The following RMDN2 variants were observed in gnomAD, a reference collection of about 807,000 sequenced individuals.
RMDN2 encodes regulator of microtubule dynamics protein 2.
In RMDN2, 61 loss-of-function variants were observed where a neutral mutation model predicts 52.8. The ratio of observed to expected loss-of-function variants is 1.16; its 90% CI spans 0.94 to 1.43. RMDN2 has a LOEUF of 1.43. Among genes scored for constraint, RMDN2 ranks in the 40% most tolerant of loss-of-function variants. The pLI, the probability that RMDN2 is intolerant of heterozygous loss-of-function variation, is 0.00. For synonymous variants in RMDN2, 180 were observed against 153.1 expected (o/e 1.18, Z -1.30); for missense variants, 592 against 475.3 (o/e 1.25, Z -2.28).
chr2:37,951,941 T>C (rs1668871799), intron 2 of RMDN2: 1 of 1,613,312 alleles, frequency 6.2e-7, no homozygotes, highest in Non-Finnish European at 8.5e-7. Context: ...GCCAATTATG[T>C]AAAGATTTAA....
rs141105802 is a variant in RMDN2 at position 38,024,415 on chromosome 2, G to A, written c.1713+20199G>A. 2.8e-4 allele frequency among the ~76,000 whole-genome samples: 43 copies of A among 152,138 alleles called. 1 individual carries two copies. Among genetic ancestry groups the A allele is most frequent in the African/African-American group, 7.9e-4 (33 of 41,522 alleles). On this transcript the variant is annotated intron_variant, in intron 10 of 10. Transcript: ENST00000234195. ...CTCACCAACAGCGTCTGAGAGTTCC[G>A]CTTGCTTTACTTTCTTGACAACACT...
chr2:37,929,321 T>C lies in RMDN2; in HGVS notation c.44T>C (p.Val15Ala), dbSNP rs1229656720. ...TNKELILGIM[V>A]GTAGISLLLL... ...AAAGAGTTGATACTTGGCATCATGG[T>C]GGGCACTGCTGGAATCAGCTTGCTG... The change falls in exon 2 of 11, where the codon GTG becomes GCG. Residue 15 changes from valine to alanine, a missense_variant. Physicochemically the swap from Val to Ala is moderately conservative, Grantham distance 64 (BLOSUM62 0). Coordinates refer to ENST00000354545, the MANE Select transcript of RMDN2 (RefSeq NM_001170791.3). 1.3e-6 allele frequency: 2 copies of C among 1,550,494 alleles called. No individual in the cohort carries two copies. Among genetic ancestry groups the C allele is most frequent in the South Asian group, 1.2e-5 (1 of 83,588 alleles).
chr2:37,995,366 C>CTACTACT (rs1553372281), intron 7 of RMDN2, among the ~76,000 whole-genome samples: 97 of 141,752 alleles, frequency 6.8e-4, no homozygotes, highest in Admixed American at 2.9e-4. Context: ...ACTACTACTA[C>CTACTACT]ACACACACAC....
chr2:37,947,750 G>A (rs1296676084), intron 2 of RMDN2, among the ~76,000 whole-genome samples: 1 of 152,162 alleles, frequency 6.6e-6, no homozygotes, highest in Non-Finnish European at 1.5e-5. Flanking sequence ...GCTGAATTCA[G>A]AGTACTTCAC....
chr2:38,000,062 C>T (rs542831555), intron 8 of RMDN2, among the ~76,000 whole-genome samples: 37 of 152,308 alleles, frequency 2.4e-4, no homozygotes, highest in South Asian at 6.2e-4. Context: ...TCAATGTTAG[C>T]TACTATTGTT....
At chr2:37,952,674 C>T (rs1036587124) in intron 2 of RMDN2, 2 of 165,530 alleles carry the variant, frequency 1.2e-5, no homozygotes, top group Non-Finnish European at 2.6e-5. Flanking sequence ...GCCTTGCTAG[C>T]TATATTTCTC....
At chr2:37,925,215 C>G (rs982211228), upstream of RMDN2, 13 of 152,282 alleles carry the variant, frequency 8.5e-5, no homozygotes, top group Admixed American at 7.8e-4. Flanking sequence ...AGAGTTGAAC[C>G]CACCACGAGA....
At chr2:37,966,284 G>C (rs1053231939) in intron 2 of RMDN2, among the ~76,000 whole-genome samples, 1 of 152,088 alleles carries the variant, frequency 6.6e-6, no homozygotes, top group South Asian at 2.1e-4. Flanking sequence ...AGGTGTGGTG[G>C]CAGGCACCTG....
At chr2:37,975,172 C>G (rs2125073641) in intron 3 of RMDN2, 40 bp from the exon 4 acceptor site, 2 of 1,189,786 alleles carry the variant, frequency 1.7e-6, no homozygotes, top group Non-Finnish European at 2.5e-6. Context: ...AGACAAGTTA[C>G]CAAGTTAATT....
At chr2:38,026,933 T>C (rs1362261770) in intron 10 of RMDN2, 1 of 77,892 alleles carries the variant, frequency 1.3e-5, no homozygotes, top group East Asian at 1.7e-3. Context: ...TTGTTTCAGG[T>C]TTTTTTTGTT....
intron 8 of RMDN2, among the ~76,000 whole-genome samples, chr2:37,999,697 C>T (rs964759107): frequency 1.7e-4 from 26 of 152,218 alleles, no homozygotes; most frequent in African/African-American, 6.3e-4. Context: ...GGAGAGTCTG[C>T]AACCCCCGGG....
upstream of RMDN2, among the ~76,000 whole-genome samples, chr2:37,921,563 G>A (rs1438141933): frequency 1.3e-5 from 2 of 152,226 alleles, no homozygotes; most frequent in African/African-American, 4.8e-5. Context: ...TCTAACAGAA[G>A]CAGTGAAAGC....
At position 37,995,874 on chromosome 2, in the gene RMDN2, C is replaced by T. The variant is rs115706664; in HGVS notation, c.946-1542C>T. 9.6e-3 allele frequency among the ~76,000 whole-genome samples: 1,466 copies of T among 152,184 alleles called. 26 individuals carry two copies. The highest frequency in any genetic ancestry group is 0.033 in the African/African-American group (1,385 of 41,526). ...AACCCCAAGTAGATGCCATTTTATT[C>T]CTATTCTTTTTATAAAAATTGTAAA... On this transcript the variant is annotated intron_variant, in intron 7 of 10. Transcript: ENST00000354545.
intron 10 of RMDN2, among the ~76,000 whole-genome samples, chr2:38,005,501 T>C (rs1676951106): frequency 6.6e-6 from 1 of 152,194 alleles, no homozygotes; most frequent in Non-Finnish European, 1.5e-5. Flanking sequence ...AAATGTCTTC[T>C]TTTGAGAAGT....
intron 10 of RMDN2, among the ~76,000 whole-genome samples, chr2:38,007,891 T>C (rs1436958975): frequency 1.3e-5 from 2 of 152,200 alleles, no homozygotes; most frequent in Non-Finnish European, 2.9e-5. Context: ...GTCCCAGAGA[T>C]TCTGATATGT....
chr2:37,977,801 A>T lies in RMDN2; in HGVS notation c.730+2487A>T, dbSNP rs373222796. On this transcript the variant is annotated intron_variant, in intron 4 of 10. Coordinates refer to ENST00000354545, the MANE Select transcript of RMDN2 (RefSeq NM_001170791.3). ...AGACGCTCCTCACTTCCTAGATGGG[A>T]TGATGGCCGGGAAGAGGCGCTCCTC... Among the ~76,000 whole-genome samples, 898 of 128,070 alleles carry T rather than the reference A, an allele frequency of 7.0e-3. 11 individuals carry two copies. The highest frequency in any genetic ancestry group is 0.026 in the African/African-American group (840 of 32,856). 84.0% of individuals were successfully genotyped at this position (128,070 alleles called of 152,430 possible).
intron 2 of RMDN2, among the ~76,000 whole-genome samples, chr2:37,947,759 A>G (rs141382575): frequency 3.9e-5 from 6 of 152,330 alleles, no homozygotes; most frequent in African/African-American, 1.4e-4. Context: ...AGAGTACTTC[A>G]CGATATTTGT....
At chr2:37,976,527 T>C (rs937888080) in intron 4 of RMDN2, among the ~76,000 whole-genome samples, 2 of 152,190 alleles carry the variant, frequency 1.3e-5, no homozygotes, top group African/African-American at 4.8e-5. Context: ...CTCCTTGTAA[T>C]TATATTTTTC....
At chr2:38,001,420 A>C (rs757407168) in intron 8 of RMDN2, among the ~76,000 whole-genome samples, 1 of 152,224 alleles carries the variant, frequency 6.6e-6, no homozygotes, top group East Asian at 1.9e-4. Context: ...AATTCATCCA[A>C]GTCCTTTTGT....
Sources: allele counts gnomAD v4.1 joint callset (sites outside exome capture counted in the v4.1 genomes callset), GRCh38; gene constraint gnomAD v4.1.1; transcripts MANE v1.5; gene names NCBI Gene and HGNC (gene_info 2026-07-23, HGNC 2026-07-21).